UNC80: variants seen among roughly 807,000 people sequenced by gnomAD.
UNC80 encodes the protein protein unc-80 homolog.
A neutral mutation model predicts 384.6 loss-of-function variants in UNC80; 164 were observed. That is an observed-to-expected ratio of 0.43 (90% CI 0.38 to 0.49). The LOEUF (loss-of-function observed/expected upper bound fraction) is 0.49. Among genes scored for constraint, UNC80 ranks in the 20% least tolerant of loss-of-function variants. UNC80 has a pLI of 0.00. For synonymous variants in UNC80, 1,486 were observed against 1,527.8 expected, an observed-to-expected ratio of 0.97 and a Z score of 0.64; for missense variants, 3,330 against 4,143.0, an observed-to-expected ratio of 0.80 and a Z score of 5.39.
In UNC80 at chr2:209,890,335, C is replaced by T. The variant is rs1379215600; in HGVS notation, c.4276+2075C>T. On this transcript the variant is annotated intron_variant, in intron 26 of 64. Coordinates refer to ENST00000673920, the MANE Select transcript of UNC80 (RefSeq NM_001371986.1). ...CAACTTGCACCCATATGAAGTTAGCCCACCTTTAGTCCCTCTTCAGCAATG... is the reference window on the plus strand; with the variant it reads ...CAACTTGCACCCATATGAAGTTAGCTCACCTTTAGTCCCTCTTCAGCAATG... Among the ~76,000 whole-genome samples, 4 of 152,034 alleles carry T rather than the reference C, an allele frequency of 2.6e-5. No homozygotes were observed. In the East Asian group the frequency reaches 7.7e-4, roughly 29 times the overall value.
At chr2:209,956,427 C>T (rs1169466540) in intron 48 of UNC80, among the ~76,000 whole-genome samples, 2 of 99,146 alleles carry the variant, frequency 2.0e-5, no homozygotes, top group Non-Finnish European at 4.5e-5. Context: ...GAATCTAGTT[C>T]CATGCGGCTT....
intron 49 of UNC80, 97 bp downstream of exon 49, chr2:209,957,833 T>C (rs1253516193): frequency 5.4e-6 from 6 of 1,104,012 alleles, no homozygotes; most frequent in Non-Finnish European, 7.7e-6. Flanking sequence ...ATAGTCAATA[T>C]TGAGTGTGAA....
chr2:209,903,663 C>T (rs2087818243), intron 28 of UNC80, among the ~76,000 whole-genome samples: 1 of 110,182 alleles, frequency 9.1e-6, no homozygotes. Context: ...TATATATATA[C>T]TATATATACA....
Position 209,825,992 on chromosome 2 carries a change from G to T in UNC80, c.2417G>T (p.Cys806Phe). Residue 806 changes from cysteine to phenylalanine, a missense_variant, in exon 14 of 65, where the codon TGT becomes TTT. Cys to Phe is a radical substitution (Grantham distance 205, BLOSUM62 -2). Coordinates refer to ENST00000673920, the MANE Select transcript of UNC80 (RefSeq NM_001371986.1). ...AAGTCTTTGGGATGTGCCTATGGTT[G>T]TGGTGAAGGACACCGAGGGCTCTCT... ...IVKSLGCAYG[C>F]GEGHRGLSGD... The T allele has an allele frequency of 6.4e-7, 1 of 1,550,972 alleles. No individual in the cohort carries two copies.
rs575903729 is a variant in UNC80, at chr2:209,859,958, C to T, written c.3627+10335C>T. ...CAAATGGGTAGATTGCAAAAATTTT[C>T]TCCCATTCTGTAGGTGGCTTGTTCA... On this transcript the variant is annotated intron_variant, in intron 22 of 64. Transcript: ENST00000673920. Among the ~76,000 whole-genome samples, 8 of 152,292 alleles carry T rather than the reference C, an allele frequency of 5.3e-5. No homozygotes were observed. In the South Asian group the frequency reaches 1.5e-3, roughly 28 times the overall value.
intron 47 of UNC80, among the ~76,000 whole-genome samples, chr2:209,948,488 C>T (rs2092011384): frequency 6.6e-6 from 1 of 152,080 alleles, no homozygotes. Flanking sequence ...TTGCAAAGTG[C>T]CTACTGAAGT....
At position 209,777,130 on chromosome 2, in the gene UNC80, GAGCCCTGCTAGC is replaced by G; in HGVS notation, c.299-125_299-114del. ...GTAGGGAAGTCCAAAAAGCAAGAAT[GAGCCCTGCTAGC>G]AGTGGTTGTAAGAAGTATAGAGAAA... On this transcript the variant is annotated intron_variant, in intron 3 of 64. Coordinates refer to ENST00000673920, the MANE Select transcript of UNC80 (RefSeq NM_001371986.1). 2.8e-6 allele frequency: 3 copies of G among 1,087,168 alleles called. No individual in the cohort carries two copies. The South Asian group carries it at 5.2e-5, about 19-fold the overall frequency. The allele number at this position is 1,087,168 out of a possible 1,614,324, so 67.3% of individuals were successfully genotyped here.
intron 60 of UNC80, 45 bp from the exon 61 acceptor site, chr2:209,984,811 T>A: frequency 6.7e-7 from 1 of 1,491,068 alleles, no homozygotes; most frequent in Non-Finnish European, 8.9e-7. Context: ...TTTTTTTTTT[T>A]CATTTTCTTT....
chr2:209,772,191 G>C (rs1345622319), intron 1 of UNC80, 27 bp downstream of exon 1: 1 of 1,486,484 alleles, frequency 6.7e-7, no homozygotes, highest in East Asian at 2.9e-5. Flanking sequence ...GCGCACCGCG[G>C]GCCGCCCTGG....
chr2:209,910,796 A>C (rs1358220898), intron 29 of UNC80, among the ~76,000 whole-genome samples: 1 of 152,138 alleles, frequency 6.6e-6, no homozygotes, highest in Non-Finnish European at 1.5e-5. Context: ...AAATATTTGC[A>C]AAATTTAAGA....
In UNC80 at chr2:209,829,309, G is replaced by T. The variant is rs1294197321; in HGVS notation, c.2556G>T (p.Lys852Asn). 8 of 1,551,418 alleles carry T rather than the reference G, an allele frequency of 5.2e-6. No homozygotes were observed. In the South Asian group the frequency reaches 9.5e-5, roughly 18 times the overall value. Residue 852 changes from lysine to asparagine, a missense_variant, in exon 15 of 65, where the codon AAG (lysine) becomes AAT (asparagine). By Grantham distance (94) the Lys-to-Asn change is moderately conservative. Around this residue, in one of 8 missense-constraint regions of UNC80, gnomAD observed 937 missense variants for 1,026.8 expected, o/e 0.91. Transcript: ENST00000673920. ...AAACCATGAGGGACTATGTGAACAA[G>T]GACTCTCTCAATAATGTAGTGGACT... ...FRQTMRDYVNKDSLNNVVDFL... is the reference protein window; with the variant it reads ...FRQTMRDYVNNDSLNNVVDFL...
chr2:209,835,764 C>A (rs2081294198), intron 18 of UNC80, among the ~76,000 whole-genome samples: 1 of 152,160 alleles, frequency 6.6e-6, no homozygotes, highest in Non-Finnish European at 1.5e-5. Context: ...AGGAATCCTG[C>A]AGAATATTCT....
chr2:209,976,388 C>T lies in UNC80; in HGVS notation c.8772+85C>T. The T allele has an allele frequency of 1.3e-6, 2 of 1,510,568 alleles. No individual in the cohort carries two copies. Among genetic ancestry groups the T allele is most frequent in the Non-Finnish European group, 1.8e-6 (2 of 1,114,728 alleles). The allele number at this position is 1,510,568 out of a possible 1,614,324, so 93.6% of individuals were successfully genotyped here. A position where few individuals can be genotyped will look rare whatever the true frequency, so the allele number is the denominator to read the frequency against. On this transcript the variant is annotated intron_variant, in intron 57 of 64. Coordinates refer to ENST00000673920, the MANE Select transcript of UNC80 (RefSeq NM_001371986.1). The surrounding 1 kb of genome is among the most constrained non-coding windows in gnomAD (Gnocchi z 4.3). ...CTGAGGCAGGAATATGGCAGGAGTGCTCATGGTACCTACTGTTGCCAGTTA... is the reference window on the plus strand; with the variant it reads ...CTGAGGCAGGAATATGGCAGGAGTGTTCATGGTACCTACTGTTGCCAGTTA...
At chr2:209,922,447 A>G in intron 35 of UNC80, 64 bp downstream of exon 35, 1 of 1,490,744 alleles carries the variant, frequency 6.7e-7, no homozygotes, top group Non-Finnish European at 9.1e-7. Flanking sequence ...TTTCCAGTTA[A>G]TATCATGATC....
chr2:209,924,111 A>T (rs1192056641), intron 35 of UNC80, among the ~76,000 whole-genome samples: 1 of 152,152 alleles, frequency 6.6e-6, no homozygotes, highest in Admixed American at 6.6e-5. Context: ...AAGCTTCCTC[A>T]GGGTTAGTTT....
At chr2:209,930,513 C>T (rs1199921423) in intron 37 of UNC80, among the ~76,000 whole-genome samples, 1 of 152,136 alleles carries the variant, frequency 6.6e-6, no homozygotes, top group Non-Finnish European at 1.5e-5. Context: ...TCAATCTAGT[C>T]TCTTGTAACC....
Position 209,775,785 on chromosome 2 carries a change from A to G in UNC80, c.142-104A>G. ...GTAATTTGCATCTTTTAAGGGGTACAGTACCTTGCTGTTCATTTTTTCACT... is the reference window on the plus strand; with the variant it reads ...GTAATTTGCATCTTTTAAGGGGTACGGTACCTTGCTGTTCATTTTTTCACT... On this transcript the variant is annotated intron_variant, in intron 2 of 64. Coordinates refer to ENST00000673920, the MANE Select transcript of UNC80 (RefSeq NM_001371986.1). 2.6e-6 allele frequency: 3 copies of G among 1,176,056 alleles called. No individual in the cohort carries two copies. In the East Asian group the frequency reaches 7.2e-5, roughly 28 times the overall value. The allele number at this position is 1,176,056 out of a possible 1,614,324, so 72.9% of individuals were successfully genotyped here. A position where few individuals can be genotyped will look rare whatever the true frequency, so the allele number is the denominator to read the frequency against.
intron 21 of UNC80, among the ~76,000 whole-genome samples, chr2:209,844,656 C>A (rs1243182568): frequency 2.0e-5 from 3 of 151,428 alleles, no homozygotes; most frequent in African/African-American, 7.3e-5. Flanking sequence ...ATGGTACAAT[C>A]ATAGTCCACT....
intron 22 of UNC80, among the ~76,000 whole-genome samples, chr2:209,854,058 C>T (rs1044590696): frequency 1.3e-5 from 2 of 152,018 alleles, no homozygotes; most frequent in African/African-American, 2.4e-5. Flanking sequence ...CCTTCAGTTA[C>T]CATAGGTCTA....
Sources: allele counts gnomAD v4.1 joint callset (sites outside exome capture counted in the v4.1 genomes callset), GRCh38; gene constraint gnomAD v4.1.1; regional missense constraint gnomAD v4.1.1; non-coding constraint Gnocchi (gnomAD v3.1); transcripts MANE v1.5; gene names NCBI Gene and HGNC (gene_info 2026-07-23, HGNC 2026-07-21).